The following MGA variants were observed in gnomAD, a reference collection of about 807,000 sequenced individuals.
MGA encodes MAX dimerization protein MGA, also known as MAX gene-associated protein.
Under a neutral mutation model 261.1 loss-of-function variants are expected in MGA, and 40 were observed. That is an observed-to-expected ratio of 0.15 (90% CI 0.12 to 0.20). MGA has a LOEUF of 0.20. MGA is among the 10% of genes least tolerant of loss of function. MGA has a pLI of 1.00. For synonymous variants in MGA, 1,302 were observed against 1,290.6 expected (o/e 1.01, Z -0.19); for missense variants, 3,397 against 3,630.5 (o/e 0.94, Z 1.65).
Position 41,757,799 on chromosome 15 carries a change from A to G in MGA, c.7151A>G (p.His2384Arg). The G allele has an allele frequency of 6.2e-7, 1 of 1,610,416 alleles. No homozygotes were observed. Among genetic ancestry groups the G allele is most frequent in the Non-Finnish European group, 8.5e-7 (1 of 1,177,194 alleles). Residue 2384 changes from histidine to arginine, a missense_variant, in exon 19 of 24, where the codon CAC becomes CGC. Coordinates refer to ENST00000219905, the MANE Select transcript of MGA (RefSeq NM_001164273.2). Reference sequence around the variant, plus strand: ...CTGTCTTTATCCAGGTCCTGTACTCACATCTCTGCAGATGAAAAAGCAGCT... The same window carrying G: ...CTGTCTTTATCCAGGTCCTGTACTCGCATCTCTGCAGATGAAAAAGCAGCT...
chr15:41,728,771 A>G (rs1188726405), intron 10 of MGA, among the ~76,000 whole-genome samples: 1 of 152,226 alleles, frequency 6.6e-6, no homozygotes, highest in Non-Finnish European at 1.5e-5. Flanking sequence ...AAATAAGAGT[A>G]AATATTTAGA....
intron 9 of MGA, among the ~76,000 whole-genome samples, chr15:41,714,450 C>T (rs1464764119): frequency 6.6e-6 from 1 of 152,136 alleles, no homozygotes; most frequent in East Asian, 1.9e-4. Context: ...ACATGTTAAA[C>T]ATTTGTAGAT....
At chr15:41,715,688 C>G (rs1454182282) in intron 9 of MGA, among the ~76,000 whole-genome samples, 1 of 152,100 alleles carries the variant, frequency 6.6e-6, no homozygotes, top group East Asian at 1.9e-4. Flanking sequence ...ATGACTGGAT[C>G]TCTTTCTGGC....
chr15:41,721,285 T>G (rs1264519813), intron 9 of MGA, among the ~76,000 whole-genome samples: 1 of 152,074 alleles, frequency 6.6e-6, no homozygotes, highest in Non-Finnish European at 1.5e-5. Context: ...CTGGCCAACA[T>G]GGTGAAACCC....
chr15:41,671,736 A>G (rs1166399443), intron 2 of MGA, among the ~76,000 whole-genome samples: 2 of 152,206 alleles, frequency 1.3e-5, no homozygotes, highest in African/African-American at 4.8e-5. Context: ...GTAGGCCACT[A>G]ACAGCTACTA....
intron 1 of MGA, among the ~76,000 whole-genome samples, chr15:41,665,000 A>G (rs2057649307): frequency 6.6e-6 from 1 of 152,168 alleles, no homozygotes; most frequent in African/African-American, 2.4e-5. Flanking sequence ...TCCTGATATT[A>G]GTGCTTTAGT....
chr15:41,657,971 G>C (rs2057241577), upstream of MGA, among the ~76,000 whole-genome samples: 1 of 152,186 alleles, frequency 6.6e-6, no homozygotes, highest in African/African-American at 2.4e-5. Context: ...CATCTGAAAA[G>C]TGCATGGGGT....
rs2062719556 is a variant in MGA, at chr15:41,749,619, G to C, written c.6012G>C (p.Glu2004Asp). 4.3e-6 allele frequency: 7 copies of C among 1,613,888 alleles called. No homozygotes were observed. Among genetic ancestry groups the C allele is most frequent in the Non-Finnish European group, 5.9e-6 (7 of 1,179,874 alleles). ...CAGAAGGAGAGGCTGTAGACCCTGA[G>C]GCTAATGTAATAAAACAAAACTCAG... Residue 2004 changes from glutamate (E) to aspartate (D), a missense_variant, in exon 17 of 24, where the codon GAG becomes GAC. This residue lies in a region of MGA where 1,410 missense variants were observed against 1,386.4 expected (regional missense o/e 1.02). Coordinates refer to ENST00000219905, the MANE Select transcript of MGA (RefSeq NM_001164273.2).
chr15:41,645,561 G>C (rs1185138788), intron 1 of MGA, among the ~76,000 whole-genome samples: 5 of 152,184 alleles, frequency 3.3e-5, no homozygotes, highest in Admixed American at 3.3e-4. Flanking sequence ...TCCAGCCTGG[G>C]CTACAGAGTG....
rs141344476 is a variant in MGA, at chr15:41,725,515, G to A, written c.3431-1665G>A. 4.0e-3 allele frequency among the ~76,000 whole-genome samples: 603 copies of A among 152,204 alleles called. 17 individuals are homozygous for A. The highest frequency in any genetic ancestry group is 0.028 in the Admixed American group (422 of 15,256). On this transcript the variant is annotated intron_variant, in intron 9 of 23. Coordinates refer to ENST00000219905, the MANE Select transcript of MGA (RefSeq NM_001164273.2). ...TGATTGTGCCACTACTTGGGCAACA[G>A]AGTGAGACTTGTACTCTTAAAAAAA...
At chr15:41,643,663 C>G (rs2056872796) in intron 1 of MGA, among the ~76,000 whole-genome samples, 1 of 151,924 alleles carries the variant, frequency 6.6e-6, no homozygotes, top group Admixed American at 6.6e-5. Flanking sequence ...TGTACATTGC[C>G]TTTTCACTGT....
chr15:41,708,339 C>CT lies in MGA; in HGVS notation c.2425+132dup, dbSNP rs1181932620. The CT allele has an allele frequency of 2.8e-5, 20 of 706,246 alleles. No individual in the cohort carries two copies. The African/African-American group carries it at 3.4e-4, about 12-fold the overall frequency. The allele number at this position is 706,246 out of a possible 1,614,324, so 43.7% of individuals were successfully genotyped here. ...TTTTTTGTTGTTGTTGTTGTTGAGA[C>CT]TGAGTTTTGCTCTTGTTGCCCAGGC... On this transcript the variant is annotated intron_variant, in intron 7 of 23. Transcript: ENST00000219905.
At chr15:41,709,320 C>T (rs979740899) in intron 7 of MGA, among the ~76,000 whole-genome samples, 1 of 152,020 alleles carries the variant, frequency 6.6e-6, no homozygotes, top group Admixed American at 6.6e-5. Context: ...TGCACTCCAG[C>T]CGGAGTGACA....
At chr15:41,694,416 T>C (rs900288357) in intron 2 of MGA, among the ~76,000 whole-genome samples, 6 of 152,114 alleles carry the variant, frequency 3.9e-5, no homozygotes, top group Admixed American at 3.9e-4. Flanking sequence ...AAAAAGTGAC[T>C]GATCAGAAGA....
chr15:41,647,353 A>G (rs2056954426), intron 1 of MGA, among the ~76,000 whole-genome samples: 1 of 152,186 alleles, frequency 6.6e-6, no homozygotes, highest in Admixed American at 6.5e-5. Context: ...TTTCTTCAGT[A>G]TGATTCTCTG....
In MGA at chr15:41,685,822, G is replaced by A. The variant is rs188043505; in HGVS notation, c.1065-10253G>A. 4.4e-3 allele frequency among the ~76,000 whole-genome samples: 670 copies of A among 151,932 alleles called. 6 individuals are homozygous for A. Among genetic ancestry groups the A allele is most frequent in the Non-Finnish European group, 5.3e-3 (358 of 67,956 alleles). ...TGGAGACCATCCTGGCTAACACGGT[G>A]AAACCCCGTCTCTACTAAAAATACA... On this transcript the variant is annotated intron_variant, in intron 2 of 23. Coordinates refer to ENST00000219905, the MANE Select transcript of MGA (RefSeq NM_001164273.2).
chr15:41,657,059 C>T (rs1281354702), upstream of MGA, among the ~76,000 whole-genome samples: 2 of 152,000 alleles, frequency 1.3e-5, no homozygotes, highest in Non-Finnish European at 2.9e-5. Context: ...GGATTACAGG[C>T]GTGAACCACT....
chr15:41,680,900 C>T (rs1417321513), intron 2 of MGA, among the ~76,000 whole-genome samples: 1 of 152,152 alleles, frequency 6.6e-6, no homozygotes, highest in Non-Finnish European at 1.5e-5. Flanking sequence ...TGAGCTGGCT[C>T]AGAGTCCCAG....
intron 1 of MGA, among the ~76,000 whole-genome samples, chr15:41,651,521 T>A (rs1342839114): frequency 4.6e-5 from 7 of 151,910 alleles, no homozygotes; most frequent in African/African-American, 1.7e-4. Flanking sequence ...TTTCTTTTTT[T>A]TCTTCCCTTT....
Sources: gnomAD v4.1 joint callset for allele counts (sites outside exome capture counted in the v4.1 genomes callset) on GRCh38, gnomAD v4.1.1 for gene constraint, gnomAD v4.1.1 regional missense constraint, MANE v1.5 for transcripts, NCBI Gene and HGNC (gene_info 2026-07-23, HGNC 2026-07-21) for gene names.